The following PAK6 variants were observed in gnomAD, a reference collection of about 807,000 sequenced individuals.
The protein encoded by PAK6 is p21 (RAC1) activated kinase 6.
Under a neutral mutation model 60.8 loss-of-function variants are expected in PAK6, and 33 were observed. That is an observed-to-expected ratio of 0.54 (90% CI 0.41 to 0.73). The LOEUF (loss-of-function observed/expected upper bound fraction) is 0.73. Ranked by LOEUF, PAK6 falls within the 30% of genes least tolerant of loss-of-function variation. PAK6 has a pLI of 0.00. For synonymous variants in PAK6, 404 were observed against 378.5 expected (o/e 1.07, Z -0.78); for missense variants, 845 against 904.1 (o/e 0.93, Z 0.84).
exon 11 of PAK6, chr15:40,276,187 G>T: frequency 8.3e-7 from 1 of 1,202,850 alleles, no homozygotes. Flanking sequence ...CCTCCTCTCA[G>T]TATTCTCTCC....
chr15:40,273,114 G>C (rs945418207), intron 7 of PAK6, 115 bp downstream of exon 7: 2 of 1,375,068 alleles, frequency 1.5e-6, no homozygotes, highest in Non-Finnish European at 2.0e-6. Context: ...GGGCTCCCCT[G>C]CCTGCTGGGG....
chr15:40,272,782 A>G, intron 6 of PAK6, 61 bp downstream of exon 6: 3 of 1,583,058 alleles, frequency 1.9e-6, no homozygotes, highest in Admixed American at 1.7e-5. Context: ...GCAGCCAGCC[A>G]GGCTGGACAT....
chr15:40,258,207 G>T (rs965482370), intron 3 of PAK6, among the ~76,000 whole-genome samples: 2 of 152,210 alleles, frequency 1.3e-5, no homozygotes, highest in South Asian at 4.1e-4. Context: ...GCCCAGGAAA[G>T]AATTCAGCAG....
exon 6 of PAK6, chr15:40,272,229 C>T (rs2039325163): frequency 1.2e-6 from 2 of 1,606,292 alleles, no homozygotes; most frequent in Admixed American, 1.7e-5. Context: ...TGCAGCCCAA[C>T]TCCTCTTTCC....
intron 3 of PAK6, chr15:40,258,403 T>C (rs1342371501): frequency 4.6e-5 from 7 of 152,240 alleles, no homozygotes; most frequent in African/African-American, 1.4e-4. Flanking sequence ...CATTTCCTGG[T>C]TCTGTGGCCT....
chr15:40,256,225 TAAA>T (rs869135732), intron 3 of PAK6, among the ~76,000 whole-genome samples: 1 of 151,748 alleles, frequency 6.6e-6, no homozygotes, highest in Non-Finnish European at 1.5e-5. Flanking sequence ...ACTCTGTCTC[TAAA>T]AAAAAATTTT....
At chr15:40,261,176 C>T (rs1595585492) in intron 3 of PAK6, among the ~76,000 whole-genome samples, 1 of 151,796 alleles carries the variant, frequency 6.6e-6, no homozygotes, top group African/African-American at 2.4e-5. Flanking sequence ...GCGTGAGCCA[C>T]CGCGCCTGGC....
intron 3 of PAK6, among the ~76,000 whole-genome samples, chr15:40,255,461 G>T (rs919426207): frequency 1.3e-5 from 2 of 152,160 alleles, no homozygotes; most frequent in African/African-American, 4.8e-5. Context: ...TCCTCCCAGG[G>T]CCTCTCCGCA....
chr15:40,270,575 C>A (rs146131119), intron 5 of PAK6, among the ~76,000 whole-genome samples: 744 of 152,324 alleles, frequency 4.9e-3, no homozygotes, highest in Non-Finnish European at 8.5e-3. Context: ...CAGCCCAGTC[C>A]AGGGGTCCCA....
intron 3 of PAK6, among the ~76,000 whole-genome samples, chr15:40,254,926 CT>C (rs2140960863): frequency 6.6e-6 from 1 of 152,302 alleles, no homozygotes; most frequent in Non-Finnish European, 1.5e-5. Flanking sequence ...TCCCTGCTGT[CT>C]TTAAAATGGG....
intron 3 of PAK6, chr15:40,256,904 C>T (rs1242208171): frequency 1.3e-5 from 2 of 152,278 alleles, no homozygotes; most frequent in African/African-American, 4.8e-5. Flanking sequence ...GGAACAGATG[C>T]TCCCCCTCAC....
intron 2 of PAK6, among the ~76,000 whole-genome samples, chr15:40,243,557 G>A (rs1015579376): frequency 2.6e-5 from 4 of 152,230 alleles, no homozygotes; most frequent in Non-Finnish European, 5.9e-5. Context: ...GATAACTGGT[G>A]TCAGAGGAAC....
intron 2 of PAK6, 191 bp from the exon 3 acceptor site, chr15:40,252,987 G>T: frequency 1.9e-6 from 1 of 536,866 alleles, no homozygotes; most frequent in Non-Finnish European, 2.8e-6. Flanking sequence ...CCCGGAAGCG[G>T]TGCTGCGCCC....
chr15:40,267,720 G>A (rs1216518249), intron 5 of PAK6, among the ~76,000 whole-genome samples: 1 of 152,202 alleles, frequency 6.6e-6, no homozygotes, highest in East Asian at 1.9e-4. Context: ...TAGGTTAAAG[G>A]ACAGTGGGTT....
At chr15:40,244,398 T>C (rs1433239627) in intron 2 of PAK6, among the ~76,000 whole-genome samples, 3 of 109,974 alleles carry the variant, frequency 2.7e-5, no homozygotes, top group Non-Finnish European at 3.9e-5. Context: ...TCTTTTTTTC[T>C]TTTTATTTTT....
At chr15:40,244,856 G>A (rs2038455292) in intron 2 of PAK6, 3 of 152,162 alleles carry the variant, frequency 2.0e-5, no homozygotes, top group Non-Finnish European at 4.4e-5. Flanking sequence ...AACTACATGA[G>A]AGGCCGCAAC....
chr15:40,261,047 C>T (rs1024569853), intron 3 of PAK6, among the ~76,000 whole-genome samples: 7 of 151,906 alleles, frequency 4.6e-5, no homozygotes, highest in Non-Finnish European at 1.0e-4. Context: ...CACCACCACA[C>T]CCGGCTAATG....
intron 3 of PAK6, among the ~76,000 whole-genome samples, chr15:40,257,921 C>T (rs985160688): frequency 5.3e-5 from 8 of 152,170 alleles, no homozygotes; most frequent in Non-Finnish European, 1.0e-4. Context: ...AACTTACTCA[C>T]CCCCTCCTCA....
At chr15:40,274,909 A>C (rs763851015) in intron 10 of PAK6, among the ~76,000 whole-genome samples, 26 of 152,292 alleles carry the variant, frequency 1.7e-4, no homozygotes, top group Non-Finnish European at 3.4e-4. Flanking sequence ...CAAAACAAGA[A>C]ATGTCTCAGA....
Sources: allele counts gnomAD v4.1 joint callset (sites outside exome capture counted in the v4.1 genomes callset), GRCh38; gene constraint gnomAD v4.1.1; transcripts MANE v1.5; gene names NCBI Gene and HGNC (gene_info 2026-07-23, HGNC 2026-07-21).